Variants in ATP5PO observed in about 807,000 individuals in gnomAD.
The protein encoded by ATP5PO is ATP synthase peripheral stalk subunit OSCP.
Under a neutral mutation model 26.2 loss-of-function variants are expected in ATP5PO, and 14 were observed. The observed-to-expected ratio is 0.53, with a 90% confidence interval of 0.35 to 0.83. The LOEUF is 0.83. Ranked by LOEUF, ATP5PO falls within the 40% of genes least tolerant of loss-of-function variation. ATP5PO has a pLI of 0.01. For missense variants in ATP5PO, 241 were observed against 258.5 expected, an observed-to-expected ratio of 0.93 and a Z score of 0.46; for synonymous variants, 106 against 95.1, an observed-to-expected ratio of 1.12 and a Z score of -0.67.
At chr21:33,915,497 G>GA (rs1987301916) in intron 1 of ATP5PO, 2 of 588,606 alleles carry the variant, frequency 3.4e-6, no homozygotes, top group East Asian at 6.6e-5. Flanking sequence ...CAGGGGCTGT[G>GA]CTCGGAAGAC....
At chr21:33,910,246 T>G (rs1010093489) in intron 3 of ATP5PO, among the ~76,000 whole-genome samples, 1 of 152,158 alleles carries the variant, frequency 6.6e-6, no homozygotes, top group Non-Finnish European at 1.5e-5. Context: ...CTGGCCAGAA[T>G]CCTGCCTCTG....
chr21:33,909,832 T>C (rs1489556771), intron 3 of ATP5PO, among the ~76,000 whole-genome samples: 1 of 152,200 alleles, frequency 6.6e-6, no homozygotes, highest in South Asian at 2.1e-4. Flanking sequence ...TTTAATATAT[T>C]TAAGAGAGGA....
In ATP5PO at chr21:33,915,760, C is replaced by G. The variant is rs1185269096; in HGVS notation, c.4G>C (p.Ala2Pro). M[A>P]APAVSGLSRQ... ...GAGAGCCCGGACACTGCTGGGGCAG[C>G]CATCTTCTCCCGGGCGGCTGTAGGT... is the stretch of plus-strand genomic sequence containing the variant. Residue 2 changes from alanine (A) to proline (P), a missense_variant, in exon 1 of 7, where the codon GCT becomes CCT. Physicochemically the swap from Ala to Pro is conservative, Grantham distance 27. Around this residue, in one of 3 missense-constraint regions of ATP5PO, gnomAD observed 125 missense variants for 108.5 expected, o/e 1.15. Transcript: ENST00000290299. 6.4e-7 allele frequency: 1 copy of G among 1,572,950 alleles called. No homozygotes were observed. Among genetic ancestry groups the G allele is most frequent in the South Asian group, 1.2e-5 (1 of 85,458 alleles).
intron 5 of ATP5PO, 21 bp downstream of exon 5, chr21:33,907,320 C>A: frequency 6.3e-7 from 1 of 1,585,208 alleles, no homozygotes; most frequent in Non-Finnish European, 8.7e-7. Context: ...GCAAACACAG[C>A]AGCAACAACC....
intron 5 of ATP5PO, among the ~76,000 whole-genome samples, chr21:33,905,523 G>A (rs966959267): frequency 1.3e-5 from 2 of 152,204 alleles, no homozygotes; most frequent in African/African-American, 2.4e-5. Context: ...TTTTCAAACA[G>A]TACAGACTCA....
chr21:33,905,934 A>G (rs1428135993), intron 5 of ATP5PO, among the ~76,000 whole-genome samples: 11 of 150,922 alleles, frequency 7.3e-5, no homozygotes, highest in African/African-American at 2.2e-4. Context: ...AAAAAAAAAA[A>G]AAAAGAAAAT....
At chr21:33,904,092 GC>G in intron 5 of ATP5PO, 71 bp from the exon 6 acceptor site, 1 of 1,362,678 alleles carries the variant, frequency 7.3e-7, no homozygotes, top group Non-Finnish European at 1.0e-6. Context: ...AATACCCCAG[GC>G]CCACATCACC....
At chr21:33,912,044 A>G (rs954766517) in intron 3 of ATP5PO, among the ~76,000 whole-genome samples, 5 of 152,090 alleles carry the variant, frequency 3.3e-5, no homozygotes, top group Non-Finnish European at 7.4e-5. Flanking sequence ...TTTTAATCTT[A>G]TATTTCTACC....
intron 4 of ATP5PO, 173 bp downstream of exon 4, chr21:33,908,909 T>C (rs1292557653): frequency 7.6e-6 from 5 of 653,844 alleles, no homozygotes; most frequent in Non-Finnish European, 1.2e-5. Flanking sequence ...GTGCAAACGA[T>C]TCACTTAGGG....
chr21:33,915,626 A>G, intron 1 of ATP5PO, 102 bp downstream of exon 1: 1 of 1,491,230 alleles, frequency 6.7e-7, no homozygotes, highest in South Asian at 1.2e-5. Flanking sequence ...GAAGACTGCC[A>G]GACTTCCCCA....
At chr21:33,912,248 A>G in intron 3 of ATP5PO, 41 bp downstream of exon 3, 1 of 1,544,430 alleles carries the variant, frequency 6.5e-7, no homozygotes, top group African/African-American at 1.4e-5. Context: ...AAAAATATAC[A>G]AACAGGAACT....
At position 33,905,918 on chromosome 21, in the gene ATP5PO, GAAAAA is replaced by G. The variant is rs59334506; in HGVS notation, c.441+1418_441+1422del. Among the ~76,000 whole-genome samples the G allele has an allele frequency of 9.1e-5, 9 of 98,434 alleles. 1 individual carries two copies. The highest frequency in any genetic ancestry group is 3.4e-4 in the East Asian group (1 of 2,904). The allele number at this position is 98,434 out of a possible 152,430, so 64.6% of individuals were successfully genotyped here. A position where few individuals can be genotyped will look rare whatever the true frequency, so the allele number is the denominator to read the frequency against. ...CAGAGTGAGACTCAGTCTCAAAAAA[GAAAAA>G]AAAAAAAAAAAAAAAGAAAATCATG... On this transcript the variant is annotated intron_variant, in intron 5 of 6. Coordinates refer to ENST00000290299, the MANE Select transcript of ATP5PO (RefSeq NM_001697.3).
At chr21:33,913,684 C>A (rs558472109) in intron 2 of ATP5PO, among the ~76,000 whole-genome samples, 1 of 152,162 alleles carries the variant, frequency 6.6e-6, no homozygotes, top group East Asian at 1.9e-4. Flanking sequence ...AAATAGTGAG[C>A]CTCCTTGGTG....
intron 5 of ATP5PO, among the ~76,000 whole-genome samples, chr21:33,904,618 C>G (rs1987144883): frequency 6.6e-6 from 1 of 152,212 alleles, no homozygotes; most frequent in Non-Finnish European, 1.5e-5. Context: ...GCTCCATAAC[C>G]TACTTTAGAG....
chr21:33,915,795 G>C lies in ATP5PO; in HGVS notation c.-32C>G. Reference sequence around the variant, plus strand: ...CCGGGCGGCTGTAGGTCAAACCCGAGTGGGAAGAGAGAAACGCGCAAGGGC... The same window carrying C: ...CCGGGCGGCTGTAGGTCAAACCCGACTGGGAAGAGAGAAACGCGCAAGGGC... On this transcript the variant is annotated 5_prime_UTR_variant, in exon 1 of 7. Transcript: ENST00000290299. 3.9e-6 allele frequency: 6 copies of C among 1,556,934 alleles called. No homozygotes were observed. Among genetic ancestry groups the C allele is most frequent in the Non-Finnish European group, 5.2e-6 (6 of 1,152,202 alleles).
intron 5 of ATP5PO, 136 bp from the exon 6 acceptor site, chr21:33,904,157 C>T (rs1424416913): frequency 1.5e-6 from 1 of 675,368 alleles, no homozygotes; most frequent in African/African-American, 1.8e-5. Context: ...CATGGAGCTG[C>T]TCTGCAGCAT....
intron 3 of ATP5PO, among the ~76,000 whole-genome samples, chr21:33,911,610 C>A (rs1180957791): frequency 6.7e-6 from 1 of 148,552 alleles, no homozygotes; most frequent in East Asian, 2.0e-4. Flanking sequence ...AAAACAAATT[C>A]TCAGTAAAAC....
intron 5 of ATP5PO, among the ~76,000 whole-genome samples, chr21:33,905,134 TA>T (rs1376374457): frequency 6.6e-6 from 1 of 152,194 alleles, no homozygotes; most frequent in Non-Finnish European, 1.5e-5. Flanking sequence ...TATGTCTTTG[TA>T]AAGATATAAC....
At chr21:33,908,535 C>T (rs576216244) in intron 4 of ATP5PO, among the ~76,000 whole-genome samples, 1 of 152,186 alleles carries the variant, frequency 6.6e-6, no homozygotes, top group East Asian at 1.9e-4. Context: ...TGGAGAAACC[C>T]CATCTCTACA....
Sources: gnomAD v4.1 joint callset for allele counts (sites outside exome capture counted in the v4.1 genomes callset) on GRCh38, gnomAD v4.1.1 for gene constraint, gnomAD v4.1.1 regional missense constraint, MANE v1.5 for transcripts, NCBI Gene and HGNC (gene_info 2026-07-23, HGNC 2026-07-21) for gene names.